HS6ST2: variants seen among roughly 807,000 people sequenced by gnomAD.
The protein encoded by HS6ST2 is heparan-sulfate 6-O-sulfotransferase 2.
Under a neutral mutation model 33.0 loss-of-function variants are expected in HS6ST2, and 17 were observed. The observed-to-expected ratio is 0.52, with a 90% confidence interval of 0.35 to 0.77. The LOEUF (loss-of-function observed/expected upper bound fraction) is 0.77, where lower values mean the gene tolerates loss of function less well. Ranked by LOEUF, HS6ST2 falls within the 30% of genes least tolerant of loss-of-function variation. The probability of loss-of-function intolerance (pLI) is 0.01; values close to 1 mark genes in which losing one functional copy is unlikely to be tolerated. For synonymous variants in HS6ST2, 248 were observed against 237.1 expected (o/e 1.05, Z -0.42); for missense variants, 519 against 551.7 (o/e 0.94, Z 0.59).
At chrX:132,830,065 A>T (rs767356865) in intron 2 of HS6ST2, among the ~76,000 whole-genome samples, 4 of 111,759 alleles carry the variant, frequency 3.6e-5, no homozygotes, top group African/African-American at 1.3e-4. Context: ...AAGTATGGTT[A>T]TATAATTTGC....
intron 2 of HS6ST2, among the ~76,000 whole-genome samples, chrX:132,828,025 A>G (rs1228809162): frequency 2.7e-5 from 3 of 111,767 alleles, no homozygotes; most frequent in Non-Finnish European, 5.6e-5. Flanking sequence ...CAAAACAAAC[A>G]TATCATTTTA....
At chrX:132,843,527 T>A (rs1037720932) in intron 2 of HS6ST2, among the ~76,000 whole-genome samples, 70 of 111,842 alleles carry the variant, frequency 6.3e-4, no homozygotes, top group Admixed American at 1.7e-3. Context: ...AAAGTGGGTA[T>A]AAATAGATTC....
At chrX:132,682,454 T>C (rs753640385) in intron 3 of HS6ST2, among the ~76,000 whole-genome samples, 3 of 111,415 alleles carry the variant, frequency 2.7e-5, no homozygotes, top group East Asian at 2.8e-4. Flanking sequence ...GGGAACAAGA[T>C]AGTATTTATC....
At chrX:132,737,540 G>C (rs186403296) in intron 2 of HS6ST2, among the ~76,000 whole-genome samples, 1 of 111,674 alleles carries the variant, frequency 9.0e-6, no homozygotes, top group East Asian at 2.8e-4. Flanking sequence ...GGTGGGGAGA[G>C]ATGGTCAGGA....
At chrX:132,794,576 T>TGA (rs57509719) in intron 2 of HS6ST2, among the ~76,000 whole-genome samples, 24,627 of 95,460 alleles carry the variant, frequency 0.26, 3,046 homozygotes, top group Non-Finnish European at 0.28. Context: ...ATGATGATGA[T>TGA]TATTATTATT....
At chrX:132,886,964 G>A (rs771065744) in intron 2 of HS6ST2, among the ~76,000 whole-genome samples, 5 of 110,216 alleles carry the variant, frequency 4.5e-5, no homozygotes, top group Non-Finnish European at 7.6e-5. Flanking sequence ...ATGAAACCCC[G>A]TCTCTACTAA....
At chrX:132,957,381 G>T (rs886249338) in intron 1 of HS6ST2, 55 bp from the exon 2 acceptor site, 9 of 1,099,955 alleles carry the variant, frequency 8.2e-6, no homozygotes, top group Non-Finnish European at 1.1e-5. Context: ...CGCGCTCGTC[G>T]TGCCCCCGCA....
chrX:132,875,261 G>T (rs2066099326), intron 2 of HS6ST2, among the ~76,000 whole-genome samples: 1 of 111,609 alleles, frequency 9.0e-6, no homozygotes, highest in Non-Finnish European at 1.9e-5. Flanking sequence ...AGAGTAAAGA[G>T]TGAGCGAAAA....
intron 2 of HS6ST2, among the ~76,000 whole-genome samples, chrX:132,813,339 T>C (rs1289336559): frequency 9.0e-6 from 1 of 111,634 alleles, no homozygotes; most frequent in Non-Finnish European, 1.9e-5. Flanking sequence ...CTCTCTCACT[T>C]ACTCTTGGTC....
chrX:132,910,538 C>G, intron 2 of HS6ST2, among the ~76,000 whole-genome samples: 1 of 111,757 alleles, frequency 8.9e-6, no homozygotes, highest in Non-Finnish European at 1.9e-5. Context: ...CCCTGATGAT[C>G]AGTACTATGG....
At chrX:132,714,747 C>T (rs140489715) in intron 2 of HS6ST2, among the ~76,000 whole-genome samples, 2,766 of 111,386 alleles carry the variant, frequency 0.025, 41 homozygotes, top group Non-Finnish European at 0.038. Context: ...ACACTGGGGC[C>T]AAAGTCAGAG....
At chrX:132,659,372 G>A (rs746394945) in intron 4 of HS6ST2, among the ~76,000 whole-genome samples, 2 of 111,660 alleles carry the variant, frequency 1.8e-5, no homozygotes, top group African/African-American at 3.2e-5. Context: ...GCCCAGTAAC[G>A]TTGTTTTATT....
chrX:132,726,319 T>G (rs769875208), intron 2 of HS6ST2, among the ~76,000 whole-genome samples: 7 of 111,378 alleles, frequency 6.3e-5, no homozygotes, highest in Non-Finnish European at 1.3e-4. Context: ...AAATTAAAAT[T>G]AAAAATGAAA....
chrX:132,854,417 C>T (rs755253303), intron 2 of HS6ST2, among the ~76,000 whole-genome samples: 2 of 112,740 alleles, frequency 1.8e-5, no homozygotes, highest in Non-Finnish European at 3.7e-5. Flanking sequence ...TTCTAACAAA[C>T]AGCAGGGTCT....
intron 2 of HS6ST2, among the ~76,000 whole-genome samples, chrX:132,804,814 A>G (rs936444562): frequency 4.5e-5 from 5 of 111,066 alleles, no homozygotes; most frequent in Admixed American, 1.9e-4. Context: ...AAATAAATAA[A>G]TAAAGGAAAA....
chrX:132,792,968 C>A (rs1363768622), intron 2 of HS6ST2, among the ~76,000 whole-genome samples: 1 of 108,790 alleles, frequency 9.2e-6, no homozygotes, highest in Non-Finnish European at 1.9e-5. Context: ...CACTTAGCAC[C>A]CAAAATCAGG....
At chrX:132,804,323 T>A (rs2065260842) in intron 2 of HS6ST2, among the ~76,000 whole-genome samples, 1 of 111,872 alleles carries the variant, frequency 8.9e-6, no homozygotes, top group African/African-American at 3.3e-5. Flanking sequence ...CGAGCAAGTG[T>A]GCAGATACCT....
At chrX:132,891,380 A>AT (rs540174709) in intron 2 of HS6ST2, among the ~76,000 whole-genome samples, 30,968 of 99,199 alleles carry the variant, frequency 0.31, 4,378 homozygotes, top group African/African-American at 0.4. Context: ...AGTTTTTTTT[A>AT]TTTTTTTTTT....
rs755535720 is a variant in HS6ST2 at position 132,793,048 on chromosome X, CTT to C, written c.948-84556_948-84555del. Among the ~76,000 whole-genome samples, 382 of 53,089 alleles carry C rather than the reference CTT, an allele frequency of 7.2e-3. 4 individuals are homozygous for C. The highest frequency in any genetic ancestry group is 0.048 in the East Asian group (67 of 1,403). 46.1% of individuals were successfully genotyped at this position (53,089 alleles called of 115,157 possible). ...AAGTTGCAAATCTCCAAATAAACTCCTTTTTTTTTTTTTTTTTTTTTTTTTTT... is the reference window on the plus strand; with the variant it reads ...AAGTTGCAAATCTCCAAATAAACTCCTTTTTTTTTTTTTTTTTTTTTTTTT... On this transcript the variant is annotated intron_variant, in intron 2 of 4. Coordinates refer to ENST00000370833, the MANE Select transcript of HS6ST2 (RefSeq NM_001394073.1).
Sources: gnomAD v4.1 joint callset for allele counts (sites outside exome capture counted in the v4.1 genomes callset) on GRCh38, gnomAD v4.1.1 for gene constraint, MANE v1.5 for transcripts, NCBI Gene and HGNC (gene_info 2026-07-23, HGNC 2026-07-21) for gene names.